MCTP1: variants seen among roughly 807,000 people sequenced by gnomAD.
The protein encoded by MCTP1 is multiple C2 and transmembrane domain containing 1.
MCTP1 carries 69 observed loss-of-function variants against 120.6 expected under a neutral mutation model. The observed-to-expected ratio is 0.57, with a 90% CI of 0.47 to 0.70. MCTP1 has a LOEUF of 0.70. Among genes scored for constraint, MCTP1 ranks in the 30% least tolerant of loss-of-function variants. The pLI, the probability that MCTP1 is intolerant of heterozygous loss-of-function variation, is 0.00. For missense variants in MCTP1, 1,203 were observed against 1,248.8 expected, an observed-to-expected ratio of 0.96 and a Z score of 0.55; for synonymous variants, 529 against 493.1, an observed-to-expected ratio of 1.07 and a Z score of -0.96.
chr5:94,963,254 T>C (rs576445648), intron 2 of MCTP1, among the ~76,000 whole-genome samples: 1 of 152,216 alleles, frequency 6.6e-6, no homozygotes, highest in East Asian at 1.9e-4. Flanking sequence ...TGAATAATGC[T>C]GCAATGAACA....
chr5:94,821,229 C>T (rs1785577328), intron 17 of MCTP1, among the ~76,000 whole-genome samples: 1 of 152,162 alleles, frequency 6.6e-6, no homozygotes, highest in African/African-American at 2.4e-5. Flanking sequence ...ATTTTGTTCA[C>T]ATTATACAGT....
rs569226342 is a variant in MCTP1 at position 95,061,001 on chromosome 5, C to T, written c.721-43517G>A. On this transcript the variant is annotated intron_variant, in intron 1 of 22. Coordinates refer to ENST00000515393, the MANE Select transcript of MCTP1 (RefSeq NM_024717.7). ...AATGAAGAATCTGTCCTCAAATGTACATTTTTTTTTTTTTTTTTTGCATTC... is the reference window on the plus strand; with the variant it reads ...AATGAAGAATCTGTCCTCAAATGTATATTTTTTTTTTTTTTTTTTGCATTC... Among the ~76,000 whole-genome samples, 737 of 94,708 alleles carry T rather than the reference C, an allele frequency of 7.8e-3. 11 individuals carry two copies. The highest frequency in any genetic ancestry group is 0.026 in the African/African-American group (715 of 27,272). The allele number at this position is 94,708 out of a possible 152,430, so 62.1% of individuals were successfully genotyped here. A position where few individuals can be genotyped will look rare whatever the true frequency, so the allele number is the denominator to read the frequency against.
chr5:94,819,183 C>T (rs2153095656), intron 17 of MCTP1, among the ~76,000 whole-genome samples: 1 of 152,120 alleles, frequency 6.6e-6, no homozygotes, highest in South Asian at 2.1e-4. Context: ...GGCTGTAGTA[C>T]AATGGCACGA....
At chr5:95,121,277 C>CAA (rs34423597) in intron 1 of MCTP1, among the ~76,000 whole-genome samples, 8,425 of 35,058 alleles carry the variant, frequency 0.24, 2,155 homozygotes, top group East Asian at 0.33. Flanking sequence ...GACTCCATCA[C>CAA]AAAAAAAAAA....
At chr5:95,098,363 CATTT>C (rs1359728447) in intron 1 of MCTP1, among the ~76,000 whole-genome samples, 2 of 152,150 alleles carry the variant, frequency 1.3e-5, no homozygotes, top group Non-Finnish European at 2.9e-5. Flanking sequence ...CTTGATGTGT[CATTT>C]GTCTTTCAAT....
chr5:94,896,658 A>G (rs934463324), intron 10 of MCTP1, among the ~76,000 whole-genome samples: 1 of 152,208 alleles, frequency 6.6e-6, no homozygotes, highest in Admixed American at 6.5e-5. Flanking sequence ...CAAGCTGGCA[A>G]TTTTCAGATG....
intron 1 of MCTP1, among the ~76,000 whole-genome samples, chr5:95,055,407 T>C (rs1439017379): frequency 6.6e-6 from 1 of 152,222 alleles, no homozygotes; most frequent in Non-Finnish European, 1.5e-5. Context: ...AAATATTTAA[T>C]AGTATTACTA....
In MCTP1 at chr5:95,266,612, TC is replaced by T. The variant is rs1272509921; in HGVS notation, c.720+17243del. On this transcript the variant is annotated intron_variant, in intron 1 of 22. Coordinates refer to ENST00000515393, the MANE Select transcript of MCTP1 (RefSeq NM_024717.7). ...ATAGCAGATAAAAGAATACATAGGT[TC>T]TTGATACCCTTTAGACTTGGGCATG... 1.2e-4 allele frequency among the ~76,000 whole-genome samples: 19 copies of T among 152,342 alleles called. No individual in the cohort carries two copies. In the East Asian group the frequency reaches 3.7e-3, roughly 29 times the overall value.
intron 1 of MCTP1, among the ~76,000 whole-genome samples, chr5:95,212,937 C>T (rs1047609313): frequency 3.7e-4 from 57 of 152,230 alleles, no homozygotes; most frequent in Non-Finnish European, 7.5e-4. Flanking sequence ...GGAAGCATTC[C>T]CTTTGAAAAC....
chr5:94,815,648 C>T (rs1354984120), intron 17 of MCTP1, among the ~76,000 whole-genome samples: 1 of 152,224 alleles, frequency 6.6e-6, no homozygotes, highest in Non-Finnish European at 1.5e-5. Context: ...ATAAAGACAT[C>T]CGCTCAGTGG....
At chr5:94,825,880 ATT>A (rs35182875) in intron 17 of MCTP1, 16 of 157,810 alleles carry the variant, frequency 1.0e-4, no homozygotes, top group South Asian at 5.1e-4. Flanking sequence ...TTTAACATCT[ATT>A]TTTTTTTTTT....
intron 1 of MCTP1, among the ~76,000 whole-genome samples, chr5:95,064,163 C>T (rs1470653997): frequency 2.0e-5 from 3 of 152,196 alleles, no homozygotes; most frequent in Non-Finnish European, 2.9e-5. Flanking sequence ...GGTTGACAGA[C>T]AATCCATTAG....
intron 17 of MCTP1, among the ~76,000 whole-genome samples, chr5:94,859,718 A>G (rs1258851011): frequency 6.6e-6 from 1 of 151,776 alleles, no homozygotes; most frequent in African/African-American, 2.4e-5. Flanking sequence ...ACATTTATGA[A>G]TTACTTTTCT....
intron 1 of MCTP1, among the ~76,000 whole-genome samples, chr5:95,048,971 C>T (rs1196144218): frequency 6.6e-6 from 1 of 152,106 alleles, no homozygotes; most frequent in East Asian, 1.9e-4. Context: ...AAAAGTTGTA[C>T]TAATGGAAAG....
At chr5:94,747,481 CAT>C (rs1767181841) in intron 19 of MCTP1, among the ~76,000 whole-genome samples, 1 of 152,118 alleles carries the variant, frequency 6.6e-6, no homozygotes, top group Admixed American at 6.5e-5. Context: ...TTCCAGGCCA[CAT>C]AATCTGTGTT....
intron 1 of MCTP1, among the ~76,000 whole-genome samples, chr5:95,282,371 C>T (rs1012013678): frequency 2.0e-5 from 3 of 151,958 alleles, no homozygotes; most frequent in Admixed American, 6.5e-5. Context: ...ATATACCTTT[C>T]AAAATAATTC....
intron 1 of MCTP1, among the ~76,000 whole-genome samples, chr5:95,129,667 CT>C (rs11387309): frequency 4.0e-5 from 6 of 148,568 alleles, no homozygotes; most frequent in African/African-American, 5.0e-5. Context: ...GGCACATTTT[CT>C]TTTTTTTTTG....
At chr5:95,235,628 G>C (rs1021458395) in intron 1 of MCTP1, among the ~76,000 whole-genome samples, 6 of 152,034 alleles carry the variant, frequency 3.9e-5, no homozygotes, top group Non-Finnish European at 7.4e-5. Context: ...TTTTTAAAAA[G>C]TGTATTGTGC....
intron 1 of MCTP1, among the ~76,000 whole-genome samples, chr5:95,124,522 G>A (rs1393817899): frequency 6.6e-6 from 1 of 152,186 alleles, no homozygotes; most frequent in Non-Finnish European, 1.5e-5. Flanking sequence ...GTACTTGCTT[G>A]TTTGAATATG....
Sources: allele counts gnomAD v4.1 joint callset (sites outside exome capture counted in the v4.1 genomes callset), GRCh38; gene constraint gnomAD v4.1.1; transcripts MANE v1.5; gene names NCBI Gene and HGNC (gene_info 2026-07-23, HGNC 2026-07-21).